The following DMBT1 variants were observed in gnomAD, a reference collection of about 807,000 sequenced individuals.
DMBT1 encodes scavenger receptor cysteine-rich domain-containing protein DMBT1.
DMBT1 carries 198 observed loss-of-function variants against 252.9 expected under a neutral mutation model. The observed-to-expected ratio is 0.78, with a 90% CI of 0.70 to 0.88. The LOEUF (loss-of-function observed/expected upper bound fraction) is 0.88, where lower values mean the gene tolerates loss of function less well. Among genes scored for constraint, DMBT1 ranks in the 40% least tolerant of loss-of-function variants. The pLI, the probability that DMBT1 is intolerant of heterozygous loss-of-function variation, is 0.00. For missense variants in DMBT1, 2,432 were observed against 2,404.7 expected (o/e 1.01, Z -0.24); for synonymous variants, 990 against 942.7 (o/e 1.05, Z -0.92).
chr10:122,580,364 G>T (rs913317679), intron 10 of DMBT1, among the ~76,000 whole-genome samples: 4 of 152,178 alleles, frequency 2.6e-5, no homozygotes, highest in African/African-American at 9.7e-5. Context: ...AGTGCAAATG[G>T]GTGTCTGTTT....
chr10:122,617,373 G>T (rs2097999991), intron 40 of DMBT1, 113 bp downstream of exon 40: 5 of 1,333,642 alleles, frequency 3.7e-6, no homozygotes, highest in African/African-American at 1.5e-5. Context: ...GTCCCTGTGG[G>T]TTGGGTGGGA....
chr10:122,621,315 G>T lies in DMBT1; in HGVS notation c.5543G>T (p.Cys1848Phe). The T allele has an allele frequency of 6.2e-7, 1 of 1,613,796 alleles. No individual in the cohort carries two copies. Among genetic ancestry groups the T allele is most frequent in the East Asian group, 2.2e-5 (1 of 44,880 alleles). Residue 1848 changes from cysteine to phenylalanine, a missense_variant, in exon 44 of 56, where the codon TGC becomes TTC. By Grantham distance (205) the Cys-to-Phe change is radical. Around this residue, in one of 3 missense-constraint regions of DMBT1, gnomAD observed 1,162 missense variants for 1,169.0 expected, o/e 0.99. Coordinates refer to ENST00000338354, the MANE Select transcript of DMBT1 (RefSeq NM_001377530.1). ...GGGAATGAGTCCTACCTGTGGAGCT[G>T]CCCCCACAAAGGCTGGCTCACCCAC... The part of the protein sequence containing the change: ...CSGNESYLWS[C>F]PHKGWLTHNC...
chr10:122,630,499 A>G lies in DMBT1; in HGVS notation c.6025+9A>G. The stretch of plus-strand genomic sequence containing the variant: ...TAACTCCTTCCCAAGCGGTAAGTGC[A>G]CACTAGACCATGCCTATGAGGCTTG... On this transcript the variant is annotated intron_variant, in intron 48 of 55. Transcript: ENST00000338354. 1 of 1,613,330 alleles carries G rather than the reference A, an allele frequency of 6.2e-7. No individual in the cohort carries two copies. The highest frequency in any genetic ancestry group is 8.5e-7 in the Non-Finnish European group (1 of 1,179,388).
At position 122,643,424 on chromosome 10, in the gene DMBT1, C is replaced by T; in HGVS notation, c.*26C>T. The T allele has an allele frequency of 6.3e-7, 1 of 1,593,470 alleles. No homozygotes were observed. The highest frequency in any genetic ancestry group is 8.6e-7 in the Non-Finnish European group (1 of 1,168,976). Reference sequence around the variant, plus strand: ...GTGGTCGCTCTCAGACCCCACTGTCCACCGGGGCGCAGACCCCTGACTCGG... The same window carrying T: ...GTGGTCGCTCTCAGACCCCACTGTCTACCGGGGCGCAGACCCCTGACTCGG... On this transcript the variant is annotated 3_prime_UTR_variant, in exon 56 of 56. Coordinates refer to ENST00000338354, the MANE Select transcript of DMBT1 (RefSeq NM_001377530.1).
chr10:122,637,211 G>A lies in DMBT1; in HGVS notation c.6841G>A (p.Val2281Ile). Residue 2281 changes from valine (V) to isoleucine (I), a missense_variant, in exon 54 of 56, where the codon GTC becomes ATC. By Grantham distance (29) the Val-to-Ile change is conservative. Around this residue, in one of 3 missense-constraint regions of DMBT1, gnomAD observed 1,162 missense variants for 1,169.0 expected, o/e 0.99. Transcript: ENST00000338354. ...QSLGFSASDL[V>I]ISTWNGYYEC... The stretch of plus-strand genomic sequence containing the variant: ...CTTGGGCTTTTCTGCCAGTGACCTT[G>A]TCATTTCCACCTGGAATGGATACTA... The A allele has an allele frequency of 6.2e-7, 1 of 1,613,986 alleles. No homozygotes were observed. The highest frequency in any genetic ancestry group is 8.5e-7 in the Non-Finnish European group (1 of 1,179,890).
At chr10:122,599,392 G>A (rs1328277475) in intron 26 of DMBT1, among the ~76,000 whole-genome samples, 2 of 152,188 alleles carry the variant, frequency 1.3e-5, no homozygotes, top group Non-Finnish European at 2.9e-5. Flanking sequence ...CTCCCCTGCT[G>A]AGTAGCACGG....
At chr10:122,626,362 C>T (rs777685117) in intron 46 of DMBT1, among the ~76,000 whole-genome samples, 1 of 152,110 alleles carries the variant, frequency 6.6e-6, no homozygotes, top group Non-Finnish European at 1.5e-5. Context: ...CATTTTAAGT[C>T]CCTGTATTGT....
At chr10:122,585,483 G>A (rs2097781708) in intron 15 of DMBT1, among the ~76,000 whole-genome samples, 174 bp downstream of exon 15, 1 of 148,038 alleles carries the variant, frequency 6.8e-6, no homozygotes, top group African/African-American at 2.4e-5. Context: ...TGATGTTGGA[G>A]GCTGGAGGGT....
rs567809008 is a variant in DMBT1 at position 122,592,689 on chromosome 10, C to T, written c.2500+94C>T. 6 of 1,547,128 alleles carry T rather than the reference C, an allele frequency of 3.9e-6. 1 individual carries two copies. Among genetic ancestry groups the T allele is most frequent in the East Asian group, 4.7e-5 (2 of 42,228 alleles). On this transcript the variant is annotated intron_variant, in intron 20 of 55. Transcript: ENST00000338354. ...ATTCTGATCTCCTCACTCAAAGATT[C>T]TTCTATGTTTCCTATATTTATGTAG...
chr10:122,571,889 A>G (rs1469951749), intron 4 of DMBT1, among the ~76,000 whole-genome samples: 1 of 152,212 alleles, frequency 6.6e-6, no homozygotes, highest in Non-Finnish European at 1.5e-5. Context: ...GCATTCTGAA[A>G]TGGTTGGTTT....
At chr10:122,580,809 G>A in intron 10 of DMBT1, 57 bp from the exon 11 acceptor site, 2 of 1,608,586 alleles carry the variant, frequency 1.2e-6, no homozygotes, top group Non-Finnish European at 1.7e-6. Context: ...CCTCGTTCCA[G>A]TTTTGCCGAC....
rs145041136 is a variant in DMBT1 at position 122,566,075 on chromosome 10, G to C, written c.91+79G>C. 3.9e-4 allele frequency: 569 copies of C among 1,461,990 alleles called. 1 individual carries two copies. The African/African-American group carries it at 6.4e-3, about 16-fold the overall frequency. 90.6% of individuals were successfully genotyped at this position (1,461,990 alleles called of 1,614,324 possible). On this transcript the variant is annotated intron_variant, in intron 2 of 55. Transcript: ENST00000338354. ...GCTACTGTTGGCTAGTTGAGGCTGA[G>C]CACAGCTGAGGTCACAGAGCAAACG...
chr10:122,588,986 A>T lies in DMBT1; in HGVS notation c.1826A>T (p.Asp609Val). Residue 609 changes from aspartate to valine, a missense_variant, in exon 17 of 56, where the codon GAC becomes GTC. Physicochemically the swap from Asp to Val is radical, Grantham distance 152. This residue lies in a region of DMBT1 where 1,264 missense variants were observed against 1,082.2 expected (regional missense o/e 1.17). Transcript: ENST00000338354. ...SLALRLVNGG[D>V]RCQGRVEVLY... is the part of the protein sequence containing the mutation. ...GCCCTGAGGCTGGTGAATGGAGGTG[A>T]CAGGTGTCAGGGCCGAGTGGAGGTC... The T allele has an allele frequency of 6.3e-7, 1 of 1,588,434 alleles. No homozygotes were observed. The highest frequency in any genetic ancestry group is 1.7e-4 in the Middle Eastern group (1 of 5,874).
At chr10:122,617,960 C>T in intron 40 of DMBT1, 57 bp from the exon 41 acceptor site, 5 of 1,604,478 alleles carry the variant, frequency 3.1e-6, no homozygotes, top group Non-Finnish European at 4.2e-6. Flanking sequence ...TGGAACTTGC[C>T]TTAGATTGTT....
chr10:122,579,739 A>C lies in DMBT1; in HGVS notation c.841A>C (p.Met281Leu). ...VCRQLGCGWAMSAPGNAQFGQ... is the reference protein window; with the variant it reads ...VCRQLGCGWALSAPGNAQFGQ... ...CAGGCAGCTGGGCTGTGGCTGGGCC[A>C]TGTCAGCCCCAGGAAATGCCCAGTT... The change falls in exon 10 of 56, where the codon ATG (methionine) becomes CTG (leucine). Residue 281 changes from methionine to leucine, a missense_variant. Coordinates refer to ENST00000338354, the MANE Select transcript of DMBT1 (RefSeq NM_001377530.1). The C allele has an allele frequency of 6.2e-7, 1 of 1,613,818 alleles. No individual in the cohort carries two copies. The highest frequency in any genetic ancestry group is 8.5e-7 in the Non-Finnish European group (1 of 1,179,780).
intron 5 of DMBT1, among the ~76,000 whole-genome samples, chr10:122,572,646 C>T (rs2133530151): frequency 6.8e-6 from 1 of 146,704 alleles, no homozygotes. Flanking sequence ...TTTTCATAGA[C>T]AATGAAGGCC....
At chr10:122,638,914 T>C (rs1490798863) in intron 54 of DMBT1, among the ~76,000 whole-genome samples, 1 of 152,260 alleles carries the variant, frequency 6.6e-6, no homozygotes, top group African/African-American at 2.4e-5. Context: ...AAGTGTGCTA[T>C]ATAACTTTTA....
At chr10:122,599,946 T>A (rs2097925285) in intron 26 of DMBT1, 118 bp from the exon 27 acceptor site, 3 of 1,427,808 alleles carry the variant, frequency 2.1e-6, no homozygotes, top group African/African-American at 1.4e-5. Flanking sequence ...CCCCTCCCTG[T>A]GTGATAGGAA....
chr10:122,620,279 G>A lies in DMBT1; in HGVS notation c.5272G>A (p.Ala1758Thr). 1.2e-6 allele frequency: 2 copies of A among 1,613,904 alleles called. No individual in the cohort carries two copies. The highest frequency in any genetic ancestry group is 1.7e-6 in the Non-Finnish European group (2 of 1,179,868). ...TACTTGGCTGACCACCAACTTACCGGCATTGACAGTAGGTAAATAATCCTC... is the reference window on the plus strand; with the variant it reads ...TACTTGGCTGACCACCAACTTACCGACATTGACAGTAGGTAAATAATCCTC... ...PDTWLTTNLP[A>T]LTVGSESSLA... Residue 1758 changes from alanine (A) to threonine (T), a missense_variant, in exon 43 of 56, where the codon GCA becomes ACA. Around this residue, in one of 3 missense-constraint regions of DMBT1, gnomAD observed 1,162 missense variants for 1,169.0 expected, o/e 0.99. Transcript: ENST00000338354.
Sources: allele counts gnomAD v4.1 joint callset (sites outside exome capture counted in the v4.1 genomes callset), GRCh38; gene constraint gnomAD v4.1.1; regional missense constraint gnomAD v4.1.1; transcripts MANE v1.5; gene names NCBI Gene and HGNC (gene_info 2026-07-23, HGNC 2026-07-21).